Variants in SLC5A3 observed in about 807,000 individuals in gnomAD.
SLC5A3 encodes sodium/myo-inositol cotransporter.
In SLC5A3, 10 loss-of-function variants were observed where a neutral mutation model predicts 43.2. That is an observed-to-expected ratio of 0.23 (90% confidence interval 0.14 to 0.39). The LOEUF is 0.39. Among genes scored for constraint, SLC5A3 ranks in the 10% least tolerant of loss-of-function variants. The probability of loss-of-function intolerance (pLI) is 1.00; values close to 1 mark genes in which losing one functional copy is unlikely to be tolerated. For missense variants in SLC5A3, 608 were observed against 893.4 expected (o/e 0.68, Z 4.07); for synonymous variants, 349 against 322.0 (o/e 1.08, Z -0.90).
At position 34,095,315 on chromosome 21, in the gene SLC5A3, CT is replaced by C. The variant is rs1291462951; in HGVS notation, c.119del (p.Phe40SerfsTer7). The C allele has an allele frequency of 1.2e-6, 2 of 1,614,124 alleles. No individual in the cohort carries two copies. Among genetic ancestry groups the C allele is most frequent in the Non-Finnish European group, 1.7e-6 (2 of 1,179,990 alleles). On this transcript the variant is annotated frameshift_variant, in exon 2 of 2. Coordinates refer to ENST00000381151, the MANE Select transcript of SLC5A3 (RefSeq NM_006933.7). LOFTEE classifies it high-confidence loss of function. ...KSNRSTVSGY[F>X]LAGRSMTWVA... ...CTAATAGAAGCACCGTGAGTGGATA[CT>C]TCCTGGCGGGGCGCTCTATGACCTG...
rs1978998568 is a variant in SLC5A3, at chr21:34,097,089, T to G, written c.1891T>G (p.Tyr631Asp). Residue 631 changes from tyrosine (Y) to aspartate (D), a missense_variant, in exon 2 of 2, where the codon TAC becomes GAC. This residue lies in a region of SLC5A3 where 210 missense variants were observed against 224.8 expected (regional missense o/e 0.93). Transcript: ENST00000381151. ...AGAGGCAGAAACACCAGTTGACGCTTACTCCAATGGGCAAGCAGCTCTCAT... is the reference window on the plus strand; with the variant it reads ...AGAGGCAGAAACACCAGTTGACGCTGACTCCAATGGGCAAGCAGCTCTCAT... Reference protein sequence around the residue: ...HSEAETPVDAYSNGQAALMGE... With the variant: ...HSEAETPVDADSNGQAALMGE... 2 of 1,613,936 alleles carry G rather than the reference T, an allele frequency of 1.2e-6. No individual in the cohort carries two copies. Among genetic ancestry groups the G allele is most frequent in the African/African-American group, 2.7e-5 (2 of 74,908 alleles).
chr21:34,088,907 C>T (rs1350126114), intron 1 of SLC5A3, among the ~76,000 whole-genome samples: 2 of 151,484 alleles, frequency 1.3e-5, no homozygotes, highest in Non-Finnish European at 2.9e-5. Flanking sequence ...ATTTATAACT[C>T]ACTTATCTTT....
chr21:34,076,787 A>G (rs1208136367), intron 1 of SLC5A3, among the ~76,000 whole-genome samples: 1 of 152,206 alleles, frequency 6.6e-6, no homozygotes, highest in African/African-American at 2.4e-5. Context: ...AGTTGTTTAG[A>G]CCAGTCTTAG....
At chr21:34,092,371 A>AC (rs66713948) in intron 1 of SLC5A3, among the ~76,000 whole-genome samples, 152,314 of 152,314 alleles carry the variant, frequency 1, 76,157 homozygotes, top group Non-Finnish European at 1. Context: ...AAATCTAGAC[A>AC]CGACCCACAG....
At chr21:34,080,736 G>T (rs1158893849) in intron 1 of SLC5A3, among the ~76,000 whole-genome samples, 1 of 152,192 alleles carries the variant, frequency 6.6e-6, no homozygotes, top group Non-Finnish European at 1.5e-5. Flanking sequence ...TGAGAGCTGA[G>T]TCTTTCATGT....
rs904215297 is a variant in SLC5A3, at chr21:34,100,304, T to G, written c.*2949T>G. ...ATATTACATTGGTATGCAGGATGAT[T>G]ATTGCATATTTTGTGGGACCTCTAA... is the stretch of plus-strand genomic sequence containing the variant. On this transcript the variant is annotated 3_prime_UTR_variant, in exon 2 of 2. Coordinates refer to ENST00000381151, the MANE Select transcript of SLC5A3 (RefSeq NM_006933.7). The G allele has an allele frequency of 4.0e-6, 4 of 1,000,140 alleles. No homozygotes were observed. Among genetic ancestry groups the G allele is most frequent in the African/African-American group, 3.5e-5 (2 of 57,236 alleles). The allele number at this position is 1,000,140 out of a possible 1,614,324, so 62.0% of individuals were successfully genotyped here.
chr21:34,097,538 C>T lies in SLC5A3; in HGVS notation c.*183C>T. ...CCAGAGATGGATTAAAGTAAATCTT[C>T]AACTTAAGTGAAGCCAAACCTAACA... On this transcript the variant is annotated 3_prime_UTR_variant, in exon 2 of 2. Coordinates refer to ENST00000381151, the MANE Select transcript of SLC5A3 (RefSeq NM_006933.7). 1.2e-5 allele frequency: 17 copies of T among 1,379,690 alleles called. No homozygotes were observed. The highest frequency in any genetic ancestry group is 1.6e-5 in the Non-Finnish European group (17 of 1,064,048). The allele number at this position is 1,379,690 out of a possible 1,614,324, so 85.5% of individuals were successfully genotyped here. A position where few individuals can be genotyped will look rare whatever the true frequency, so the allele number is the denominator to read the frequency against.
intron 1 of SLC5A3, among the ~76,000 whole-genome samples, chr21:34,080,103 G>C (rs1423631744): frequency 6.6e-6 from 1 of 152,130 alleles, no homozygotes; most frequent in Admixed American, 6.5e-5. Flanking sequence ...ATACTACTGA[G>C]GGGAGGATAG....
rs1978729778 is a variant in SLC5A3 at position 34,092,133 on chromosome 21, T to C, written c.-336-2730T>C. ...TTTAAAAGGAAGAAAAACATATATATATATATAACATACTGTATATTCAGA... is the reference window on the plus strand; with the variant it reads ...TTTAAAAGGAAGAAAAACATATATACATATATAACATACTGTATATTCAGA... On this transcript the variant is annotated intron_variant, in intron 1 of 1. Coordinates refer to ENST00000381151, the MANE Select transcript of SLC5A3 (RefSeq NM_006933.7). Among the ~76,000 whole-genome samples, 5 of 151,736 alleles carry C rather than the reference T, an allele frequency of 3.3e-5. No individual in the cohort carries two copies. The South Asian group carries it at 8.3e-4, about 25-fold the overall frequency.
rs888243379 is a variant in SLC5A3 at position 34,106,006 on chromosome 21, T to C, written c.*8651T>C. On this transcript the variant is annotated 3_prime_UTR_variant, in exon 2 of 2. Coordinates refer to ENST00000381151, the MANE Select transcript of SLC5A3 (RefSeq NM_006933.7). Reference sequence around the variant, plus strand: ...TTTGAAAGTGTTATTGTTTAAAAAATGAAAAAAGCATATCTGCTAAAGAGC... The same window carrying C: ...TTTGAAAGTGTTATTGTTTAAAAAACGAAAAAAGCATATCTGCTAAAGAGC... 6 of 995,192 alleles carry C rather than the reference T, an allele frequency of 6.0e-6. No individual in the cohort carries two copies. In the African/African-American group the frequency reaches 7.0e-5, roughly 12 times the overall value. 61.6% of individuals were successfully genotyped at this position (995,192 alleles called of 1,614,324 possible).
At chr21:34,078,173 A>G (rs991962950) in intron 1 of SLC5A3, among the ~76,000 whole-genome samples, 2 of 152,148 alleles carry the variant, frequency 1.3e-5, no homozygotes, top group Non-Finnish European at 2.9e-5. Flanking sequence ...CCCTCCCTAA[A>G]CAGCTTAGCC....
chr21:34,104,715 T>C lies in SLC5A3; in HGVS notation c.*7360T>C, dbSNP rs1379829180. 1.0e-5 allele frequency: 10 copies of C among 999,934 alleles called. No homozygotes were observed. The highest frequency in any genetic ancestry group is 1.2e-5 in the Non-Finnish European group (10 of 829,694). The allele number at this position is 999,934 out of a possible 1,614,324, so 61.9% of individuals were successfully genotyped here. A position where few individuals can be genotyped will look rare whatever the true frequency, so the allele number is the denominator to read the frequency against. On this transcript the variant is annotated 3_prime_UTR_variant, in exon 2 of 2. Coordinates refer to ENST00000381151, the MANE Select transcript of SLC5A3 (RefSeq NM_006933.7). ...GCCTGGGGGGATGAGGGGAAGAAGA[T>C]TACCAGAAGTGCAGGAAAGAGAAGT... is the stretch of plus-strand genomic sequence containing the variant.
At position 34,097,237 on chromosome 21, in the gene SLC5A3, A is replaced by G; in HGVS notation, c.2039A>G (p.Glu680Gly). ...AGGAGTCTCAGAGACCTGATGGAAGAGGAGGCTGTTTGTTTACAGATGCTA... is the reference window on the plus strand; with the variant it reads ...AGGAGTCTCAGAGACCTGATGGAAGGGGAGGCTGTTTGTTTACAGATGCTA... ...SKRSLRDLME[E>G]EAVCLQMLEE... The change falls in exon 2 of 2, where the codon GAG becomes GGG. Residue 680 changes from glutamate to glycine, a missense_variant. Physicochemically the swap from Glu to Gly is moderately conservative, Grantham distance 98. Coordinates refer to ENST00000381151, the MANE Select transcript of SLC5A3 (RefSeq NM_006933.7). 1 of 1,614,080 alleles carries G rather than the reference A, an allele frequency of 6.2e-7. No homozygotes were observed. Among genetic ancestry groups the G allele is most frequent in the Non-Finnish European group, 8.5e-7 (1 of 1,179,928 alleles).
Position 34,102,030 on chromosome 21 carries a change from A to G in SLC5A3, c.*4675A>G. The stretch of plus-strand genomic sequence containing the variant: ...ATATAGAGGAACCCTTTTGTACTGG[A>G]ACGTATGAGGCTGGATTGTGAAAAG... On this transcript the variant is annotated 3_prime_UTR_variant, in exon 2 of 2. Coordinates refer to ENST00000381151, the MANE Select transcript of SLC5A3 (RefSeq NM_006933.7). 1 of 1,000,180 alleles carries G rather than the reference A, an allele frequency of 1.0e-6. No homozygotes were observed. Among genetic ancestry groups the G allele is most frequent in the Non-Finnish European group, 1.2e-6 (1 of 829,936 alleles). The allele number at this position is 1,000,180 out of a possible 1,614,324, so 62.0% of individuals were successfully genotyped here.
At chr21:34,075,680 C>T (rs1194310927) in intron 1 of SLC5A3, among the ~76,000 whole-genome samples, 1 of 152,170 alleles carries the variant, frequency 6.6e-6, no homozygotes, top group African/African-American at 2.4e-5. Context: ...TTGAGGAGAT[C>T]CTTGACCTAA....
intron 1 of SLC5A3, among the ~76,000 whole-genome samples, chr21:34,074,160 C>G (rs1326753648): frequency 6.7e-6 from 1 of 148,828 alleles, no homozygotes; most frequent in African/African-American, 2.4e-5. Context: ...CGTCGCCGGC[C>G]CCGCCGCCGC....
chr21:34,079,948 G>A (rs181031764), intron 1 of SLC5A3, among the ~76,000 whole-genome samples: 102 of 152,138 alleles, frequency 6.7e-4, no homozygotes, highest in African/African-American at 2.2e-3. Context: ...TCGCTTCTCT[G>A]TCTTCTGTCA....
At chr21:34,091,456 C>T (rs1252838581) in intron 1 of SLC5A3, among the ~76,000 whole-genome samples, 1 of 152,092 alleles carries the variant, frequency 6.6e-6, no homozygotes, top group Non-Finnish European at 1.5e-5. Flanking sequence ...TATGGTCACC[C>T]AGACAGTACT....
At chr21:34,090,566 A>G (rs1174006526) in intron 1 of SLC5A3, among the ~76,000 whole-genome samples, 3 of 152,208 alleles carry the variant, frequency 2.0e-5, no homozygotes, top group Non-Finnish European at 4.4e-5. Context: ...ATAACTTGGG[A>G]AAATCCTAAT....
Sources: allele counts gnomAD v4.1 joint callset (sites outside exome capture counted in the v4.1 genomes callset), GRCh38; gene constraint gnomAD v4.1.1; regional missense constraint gnomAD v4.1.1; transcripts MANE v1.5; gene names NCBI Gene and HGNC (gene_info 2026-07-23, HGNC 2026-07-21).